ABCA13: variants seen among roughly 807,000 people sequenced by gnomAD.
ABCA13 encodes ATP-binding cassette sub-family A member 13.
ABCA13 carries 476 observed loss-of-function variants against 478.7 expected under a neutral mutation model. The observed-to-expected ratio is 0.99, with a 90% CI of 0.92 to 1.07. The LOEUF is 1.07. Among genes scored for constraint, ABCA13 ranks in the 50% least tolerant of loss-of-function variants. The pLI, the probability that ABCA13 is intolerant of heterozygous loss-of-function variation, is 0.00. For synonymous variants in ABCA13, 2,252 were observed against 2,158.9 expected (o/e 1.04, Z -1.20); for missense variants, 6,060 against 5,910.6 (o/e 1.03, Z -0.83).
chr7:48,302,021 C>G (rs746873560), intron 23 of ABCA13, among the ~76,000 whole-genome samples: 2 of 152,146 alleles, frequency 1.3e-5, no homozygotes, highest in African/African-American at 2.4e-5. Context: ...GCATTTGTGT[C>G]TCATTTAACT....
At chr7:48,458,974 TG>T (rs1825965280) in intron 43 of ABCA13, among the ~76,000 whole-genome samples, 1 of 152,160 alleles carries the variant, frequency 6.6e-6, no homozygotes, top group East Asian at 1.9e-4. Flanking sequence ...TGTGTTGGTT[TG>T]GGGTCTGGTC....
chr7:48,309,859 A>G, intron 23 of ABCA13, 88 bp from the exon 24 acceptor site: 2 of 1,478,244 alleles, frequency 1.4e-6, no homozygotes, highest in Admixed American at 3.7e-5. Context: ...CTCTTGGGCG[A>G]CTCCCTGCCG....
intron 8 of ABCA13, among the ~76,000 whole-genome samples, chr7:48,236,159 G>A (rs1789920990): frequency 6.6e-6 from 1 of 152,128 alleles, no homozygotes; most frequent in Non-Finnish European, 1.5e-5. Context: ...ACAAAGGAAA[G>A]GGGGCTTGGG....
chr7:48,351,281 T>A (rs1808940504), intron 30 of ABCA13, among the ~76,000 whole-genome samples: 1 of 152,244 alleles, frequency 6.6e-6, no homozygotes, highest in Non-Finnish European at 1.5e-5. Context: ...CCATTCAAGA[T>A]AAATATGGTG....
chr7:48,597,203 G>A (rs1790389662), intron 58 of ABCA13, among the ~76,000 whole-genome samples: 1 of 152,176 alleles, frequency 6.6e-6, no homozygotes, highest in South Asian at 2.1e-4. Context: ...GCCCGCCTGG[G>A]CCTCCCAAAG....
At position 48,615,312 on chromosome 7, in the gene ABCA13, A is replaced by G. The variant is rs1021623611; in HGVS notation, c.14772A>G (p.Thr4924=). 9.5e-6 allele frequency: 15 copies of G among 1,577,580 alleles called. No homozygotes were observed. The highest frequency in any genetic ancestry group is 1.7e-4 in the Middle Eastern group (1 of 6,020). Residue 4924 remains threonine (T), a synonymous_variant, in exon 59 of 62, where the codon ACA becomes ACG. Coordinates refer to ENST00000435803, the MANE Select transcript of ABCA13 (RefSeq NM_152701.5). ...HSMEECEALC[T]RLAIMVNGSF... ...TGGAGGAGTGTGAGGCTCTTTGCAC[A>G]AGACTGGCCATAATGGTTAACGGCA... is the stretch of plus-strand genomic sequence containing the variant.
At chr7:48,197,606 C>T (rs1326685930) in intron 2 of ABCA13, among the ~76,000 whole-genome samples, 2 of 151,374 alleles carry the variant, frequency 1.3e-5, no homozygotes, top group Non-Finnish European at 3.0e-5. Context: ...TTTCATGTTG[C>T]TGCAGCCATC....
At chr7:48,470,829 A>C (rs1327513161) in intron 44 of ABCA13, among the ~76,000 whole-genome samples, 1 of 152,180 alleles carries the variant, frequency 6.6e-6, no homozygotes, top group Non-Finnish European at 1.5e-5. Context: ...GATGGTGGTA[A>C]AAATATCTAG....
intron 32 of ABCA13, among the ~76,000 whole-genome samples, chr7:48,371,940 CT>C (rs987884673): frequency 2.4e-4 from 37 of 152,114 alleles, no homozygotes; most frequent in Admixed American, 5.2e-4. Context: ...ATGAATGGCT[CT>C]TTTATAAAAA....
chr7:48,179,771 C>A (rs937450350), intron 1 of ABCA13, among the ~76,000 whole-genome samples: 1 of 152,144 alleles, frequency 6.6e-6, no homozygotes, highest in African/African-American at 2.4e-5. Context: ...GTGCTGTGAT[C>A]CCGGCAGGTC....
chr7:48,527,469 T>C (rs1415877464), intron 54 of ABCA13, among the ~76,000 whole-genome samples: 4 of 152,008 alleles, frequency 2.6e-5, no homozygotes, highest in African/African-American at 9.7e-5. Flanking sequence ...TGGAAGGAGA[T>C]TGACAGAACC....
chr7:48,545,252 AG>A (rs891380604), intron 55 of ABCA13, among the ~76,000 whole-genome samples: 4 of 151,966 alleles, frequency 2.6e-5, no homozygotes, highest in African/African-American at 9.6e-5. Context: ...TCCTTACTGA[AG>A]GGGTAGGATC....
chr7:48,427,692 T>C (rs1438567159), intron 41 of ABCA13, 74 bp from the exon 42 acceptor site: 11 of 963,574 alleles, frequency 1.1e-5, no homozygotes, highest in Non-Finnish European at 1.6e-5. Flanking sequence ...GATTAGGCAA[T>C]TGAGGCAGAA....
At chr7:48,338,302 A>G in intron 28 of ABCA13, 63 bp from the exon 29 acceptor site, 1 of 1,173,168 alleles carries the variant, frequency 8.5e-7, no homozygotes, top group South Asian at 1.9e-5. Flanking sequence ...AAGTCTAATA[A>G]GTATTATTCA....
chr7:48,296,113 A>G (rs1799328456), intron 21 of ABCA13, among the ~76,000 whole-genome samples: 1 of 152,200 alleles, frequency 6.6e-6, no homozygotes, highest in Non-Finnish European at 1.5e-5. Context: ...GTAATCCACA[A>G]CGCTTGGTGG....
rs201850056 is a variant in ABCA13, at chr7:48,594,671, T to G, written c.14641-39T>G. The G allele has an allele frequency of 3.7e-4, 582 of 1,580,298 alleles. 1 individual carries two copies. In the African/African-American group the frequency reaches 7.0e-3, roughly 19 times the overall value. On this transcript the variant is annotated intron_variant, in intron 57 of 61. Coordinates refer to ENST00000435803, the MANE Select transcript of ABCA13 (RefSeq NM_152701.5). Reference sequence around the variant, plus strand: ...TCATTGTGTATATTTCTATTTGTGTTTTTCAAATGCTGATTACTCTGTGTT... The same window carrying G: ...TCATTGTGTATATTTCTATTTGTGTGTTTCAAATGCTGATTACTCTGTGTT...
intron 20 of ABCA13, among the ~76,000 whole-genome samples, chr7:48,290,940 GAAA>G (rs57470116): frequency 5.9e-4 from 29 of 48,830 alleles, no homozygotes; most frequent in African/African-American, 1.3e-3. Flanking sequence ...CACACTCAGG[GAAA>G]AAAAAAAAAA....
At chr7:48,515,186 C>T (rs1004604847) in intron 51 of ABCA13, among the ~76,000 whole-genome samples, 4 of 152,152 alleles carry the variant, frequency 2.6e-5, no homozygotes, top group Admixed American at 6.5e-5. Context: ...TCAGGTTAAT[C>T]CAATTATTCA....
At chr7:48,526,543 G>A (rs1832901690) in intron 54 of ABCA13, among the ~76,000 whole-genome samples, 1 of 152,146 alleles carries the variant, frequency 6.6e-6, no homozygotes, top group Non-Finnish European at 1.5e-5. Context: ...TCTGAGAAAT[G>A]TGTCATTAGG....
Sources: allele counts gnomAD v4.1 joint callset (sites outside exome capture counted in the v4.1 genomes callset), GRCh38; gene constraint gnomAD v4.1.1; transcripts MANE v1.5; gene names NCBI Gene and HGNC (gene_info 2026-07-23, HGNC 2026-07-21).